HNF1A: variants seen among roughly 807,000 people sequenced by gnomAD.
The protein encoded by HNF1A is hepatocyte nuclear factor 1-alpha.
A neutral mutation model predicts 62.2 loss-of-function variants in HNF1A; 21 were observed. The observed-to-expected ratio is 0.34, with a 90% CI of 0.24 to 0.49. The LOEUF (loss-of-function observed/expected upper bound fraction) is 0.49. HNF1A is among the 20% of genes least tolerant of loss of function. HNF1A has a pLI of 0.99. For synonymous variants in HNF1A, 374 were observed against 366.8 expected (o/e 1.02, Z -0.22); for missense variants, 687 against 832.3 (o/e 0.83, Z 2.15).
At chr12:120,988,713 C>G in intron 1 of HNF1A, 120 bp from the exon 2 acceptor site, 1 of 878,514 alleles carries the variant, frequency 1.1e-6, no homozygotes, top group South Asian at 1.4e-5. Flanking sequence ...GGCTCCATAA[C>G]TGCTTTCATG....
At position 120,993,614 on chromosome 12, in the gene HNF1A, C is replaced by A. The variant is rs777547408; in HGVS notation, c.621C>A (p.Gly207=). 1.2e-6 allele frequency: 2 copies of A among 1,614,092 alleles called. No homozygotes were observed. Among genetic ancestry groups the A allele is most frequent in the Non-Finnish European group, 1.7e-6 (2 of 1,180,004 alleles). Residue 207 remains glycine, a synonymous_variant, in exon 3 of 10, where the codon GGC becomes GGA. Transcript: ENST00000257555. The stretch of plus-strand genomic sequence containing the variant: ...GGCGGAGGAACCGTTTCAAGTGGGG[C>A]CCAGCATCCCAGCAGATCCTGTTCC... ...KKGRRNRFKW[G]PASQQILFQA...
Position 120,996,120 on chromosome 12 carries a change from C to G in HNF1A, c.956-142C>G. 1 of 1,019,006 alleles carries G rather than the reference C, an allele frequency of 9.8e-7. No homozygotes were observed. Among genetic ancestry groups the G allele is most frequent in the South Asian group, 1.4e-5 (1 of 73,784 alleles). The allele number at this position is 1,019,006 out of a possible 1,614,324, so 63.1% of individuals were successfully genotyped here. A position where few individuals can be genotyped will look rare whatever the true frequency, so the allele number is the denominator to read the frequency against. ...CCCAGGGCTTGGCAAAAGGTAGAAACAAAGGCAGATTTGCTGGCTGCATAA... is the reference window on the plus strand; with the variant it reads ...CCCAGGGCTTGGCAAAAGGTAGAAAGAAAGGCAGATTTGCTGGCTGCATAA... On this transcript the variant is annotated intron_variant, in intron 4 of 9. Transcript: ENST00000257555. This position sits in a 1 kb window ranked among gnomAD's most constrained non-coding sequence, Gnocchi z 4.5.
chr12:120,990,785 A>G (rs1876798776), intron 2 of HNF1A, among the ~76,000 whole-genome samples: 1 of 152,202 alleles, frequency 6.6e-6, no homozygotes, highest in Non-Finnish European at 1.5e-5. Context: ...CAGAGTTTAT[A>G]AGAAAAATTA....
intron 1 of HNF1A, 98 bp from the exon 2 acceptor site, chr12:120,988,735 C>T: frequency 2.8e-6 from 3 of 1,074,976 alleles, no homozygotes; most frequent in Non-Finnish European, 4.2e-6. Flanking sequence ...ACAGTCCCCA[C>T]CCTCAGGGTT....
chr12:120,989,753 C>G (rs555885232), intron 2 of HNF1A, among the ~76,000 whole-genome samples: 32 of 152,292 alleles, frequency 2.1e-4, no homozygotes, highest in African/African-American at 7.5e-4. Flanking sequence ...GGGTGCTGAG[C>G]TGACTGTCGA....
intron 1 of HNF1A, among the ~76,000 whole-genome samples, chr12:120,983,572 G>A (rs1270581550): frequency 4.7e-5 from 7 of 150,090 alleles, no homozygotes; most frequent in Admixed American, 4.0e-4. Flanking sequence ...TTGAGATGGA[G>A]TCTCACTCTG....
intron 1 of HNF1A, among the ~76,000 whole-genome samples, chr12:120,983,640 G>A (rs1461236054): frequency 6.6e-6 from 1 of 151,660 alleles, no homozygotes; most frequent in Non-Finnish European, 1.5e-5. Flanking sequence ...CCGCCTCCCG[G>A]GTTCAAGTGA....
chr12:120,979,120 T>C (rs937297373), intron 1 of HNF1A, 26 bp downstream of exon 1: 34 of 1,585,390 alleles, frequency 2.1e-5, no homozygotes, highest in Non-Finnish European at 2.7e-5. Flanking sequence ...CCGTCCCCGC[T>C]CCCAGGAGAG....
At chr12:120,981,871 A>G (rs1376513645) in intron 1 of HNF1A, among the ~76,000 whole-genome samples, 2 of 152,280 alleles carry the variant, frequency 1.3e-5, no homozygotes, top group South Asian at 4.2e-4. Flanking sequence ...CATCCTGCCC[A>G]GTGGCTGATG....
intron 7 of HNF1A, 85 bp downstream of exon 7, chr12:120,997,750 C>A: frequency 7.3e-7 from 1 of 1,363,830 alleles, no homozygotes; most frequent in Non-Finnish European, 1.0e-6. Context: ...GCCTGGCAGG[C>A]ATTGCAGTCT....
Position 120,991,364 on chromosome 12 carries a change from C to T in HNF1A, c.527-2156C>T, listed in dbSNP as rs1001035045. Among the ~76,000 whole-genome samples the T allele has an allele frequency of 1.3e-4, 20 of 152,208 alleles. 1 individual carries two copies. Among genetic ancestry groups the T allele is most frequent in the Non-Finnish European group, 4.4e-5 (3 of 68,034 alleles). ...ATCCCAGCACTTTGGGAGGCCAAGG[C>T]AGGTGGCTCACTTGAGGGCAGGAGT... On this transcript the variant is annotated intron_variant, in intron 2 of 9. Transcript: ENST00000257555.
intron 2 of HNF1A, among the ~76,000 whole-genome samples, chr12:120,990,154 T>G (rs1876742258): frequency 1.3e-5 from 2 of 152,160 alleles, no homozygotes; most frequent in Admixed American, 6.5e-5. Context: ...ATTTTTTTAT[T>G]TTTTTGAGAC....
chr12:120,993,650 G>A lies in HNF1A; in HGVS notation c.657G>A (p.Glu219=), dbSNP rs2135839600. Residue 219 remains glutamate, a synonymous_variant, in exon 3 of 10, where the codon GAG becomes GAA. Transcript: ENST00000257555. The part of the protein sequence containing the change: ...ASQQILFQAY[E]RQKNPSKEER... The stretch of plus-strand genomic sequence containing the variant: ...AGCAGATCCTGTTCCAGGCCTATGA[G>A]AGGCAGAAGAACCCTAGCAAGGAGG... 1 of 1,614,152 alleles carries A rather than the reference G, an allele frequency of 6.2e-7. No individual in the cohort carries two copies. Among genetic ancestry groups the A allele is most frequent in the Non-Finnish European group, 8.5e-7 (1 of 1,180,030 alleles).
In HNF1A at chr12:121,001,560, C is replaced by T; in HGVS notation, c.*368C>T. 1 of 442,474 alleles carries T rather than the reference C, an allele frequency of 2.3e-6. No homozygotes were observed. The highest frequency in any genetic ancestry group is 2.0e-5 in the African/African-American group (1 of 50,958). The allele number at this position is 442,474 out of a possible 1,614,324, so 27.4% of individuals were successfully genotyped here. A position where few individuals can be genotyped will look rare whatever the true frequency, so the allele number is the denominator to read the frequency against. On this transcript the variant is annotated 3_prime_UTR_variant, in exon 10 of 10. Transcript: ENST00000257555. ...ATGGAGAGCCCTGGGACCGCTACAC[C>T]ACTCTGGCAGCCACACTTCTCAGGA...
Position 120,996,192 on chromosome 12 carries a change from C to T in HNF1A, c.956-70C>T. On this transcript the variant is annotated intron_variant, in intron 4 of 9. Coordinates refer to ENST00000257555, the MANE Select transcript of HNF1A (RefSeq NM_000545.8). This position sits in a 1 kb window ranked among gnomAD's most constrained non-coding sequence, Gnocchi z 4.5. ...AAGCAAACCAATGGAGTTTGAAGTG[C>T]TGAGGGCTGTGGAGGCAGGGGAGGG... The T allele has an allele frequency of 1.3e-6, 2 of 1,579,980 alleles. No homozygotes were observed. Among genetic ancestry groups the T allele is most frequent in the Non-Finnish European group, 1.7e-6 (2 of 1,152,730 alleles).
At chr12:120,986,421 G>C (rs1876511875) in intron 1 of HNF1A, among the ~76,000 whole-genome samples, 1 of 152,174 alleles carries the variant, frequency 6.6e-6, no homozygotes, top group South Asian at 2.1e-4. Flanking sequence ...TGTGCCATTT[G>C]TCACCTGTGC....
Position 120,997,506 on chromosome 12 carries a change from GTCA to G in HNF1A, c.1346_1348del (p.Ile449del), listed in dbSNP as rs1479120562. 19 of 1,612,088 alleles carry G rather than the reference GTCA, an allele frequency of 1.2e-5. No homozygotes were observed. Among genetic ancestry groups the G allele is most frequent in the African/African-American group, 4.0e-5 (3 of 74,876 alleles). ...CTCCACGCAGGCACAGAGTGTGCCG[GTCA>G]TCAACAGCATGGGCAGCAGCCTGAC... On this transcript the variant is annotated inframe_deletion, in exon 7 of 10. Coordinates refer to ENST00000257555, the MANE Select transcript of HNF1A (RefSeq NM_000545.8).
intron 2 of HNF1A, 70 bp downstream of exon 2, chr12:120,989,102 G>C: frequency 6.9e-7 from 1 of 1,457,328 alleles, no homozygotes; most frequent in Non-Finnish European, 9.5e-7. Flanking sequence ...ATAGGTGGGG[G>C]CTGGAAGCTT....
chr12:120,997,350 GACC>G, intron 6 of HNF1A, 121 bp from the exon 7 acceptor site: 1 of 1,341,754 alleles, frequency 7.5e-7, no homozygotes, highest in Non-Finnish European at 9.9e-7. Context: ...GCTGTTTCCT[GACC>G]ACCCTGCCCC....
Sources: gnomAD v4.1 joint callset for allele counts (sites outside exome capture counted in the v4.1 genomes callset) on GRCh38, gnomAD v4.1.1 for gene constraint, Gnocchi (gnomAD v3.1) non-coding constraint, MANE v1.5 for transcripts, NCBI Gene and HGNC (gene_info 2026-07-23, HGNC 2026-07-21) for gene names.